Variants in FNDC3A observed in about 807,000 individuals in gnomAD.
FNDC3A encodes fibronectin type-III domain-containing protein 3A.
A neutral mutation model predicts 148.9 loss-of-function variants in FNDC3A; 32 were observed. The ratio of observed to expected loss-of-function variants is 0.21; its 90% CI spans 0.16 to 0.29. The LOEUF (loss-of-function observed/expected upper bound fraction) is 0.29. Ranked by LOEUF, FNDC3A falls within the 10% of genes least tolerant of loss-of-function variation. The probability of loss-of-function intolerance (pLI) is 1.00; values close to 1 mark genes in which losing one functional copy is unlikely to be tolerated. For synonymous variants in FNDC3A, 472 were observed against 473.6 expected (o/e 1.00, Z 0.04); for missense variants, 1,191 against 1,452.8 (o/e 0.82, Z 2.93).
chr13:49,049,746 G>GTCTTGCTCTGTTGCCA (rs1875695161), intron 2 of FNDC3A, among the ~76,000 whole-genome samples: 1 of 151,592 alleles, frequency 6.6e-6, no homozygotes, highest in Admixed American at 6.6e-5. Context: ...TTGAGATGGA[G>GTCTTGCTCTGTTGCCA]TCTTGCTCTG....
chr13:49,144,032 C>CTAA (rs1166963044), intron 7 of FNDC3A, among the ~76,000 whole-genome samples: 30 of 149,930 alleles, frequency 2.0e-4, no homozygotes, highest in South Asian at 6.3e-4. Flanking sequence ...ACTACTACTA[C>CTAA]TAATAATAAT....
rs368312592 is a variant in FNDC3A at position 49,116,772 on chromosome 13, T to C, written c.252+2041T>C. ...TTGCACTCCAGCCTGGGAGACAGAG[T>C]GAGACTCCGTCTCAAAAAAAAAAAA... is the stretch of plus-strand genomic sequence containing the variant. On this transcript the variant is annotated intron_variant, in intron 4 of 25. Coordinates refer to ENST00000492622, the MANE Select transcript of FNDC3A (RefSeq NM_001079673.2). 6.2e-3 allele frequency among the ~76,000 whole-genome samples: 785 copies of C among 126,984 alleles called. 6 individuals carry two copies. The highest frequency in any genetic ancestry group is 0.022 in the African/African-American group (749 of 34,066). 83.3% of individuals were successfully genotyped at this position (126,984 alleles called of 152,430 possible).
At chr13:49,182,727 C>T (rs1169922969) in intron 14 of FNDC3A, among the ~76,000 whole-genome samples, 3 of 152,050 alleles carry the variant, frequency 2.0e-5, no homozygotes, top group East Asian at 3.9e-4. Flanking sequence ...TTTTATGTTC[C>T]ATCCTTGAAA....
intron 1 of FNDC3A, among the ~76,000 whole-genome samples, chr13:48,978,911 C>T (rs2137540679): frequency 6.6e-6 from 1 of 152,166 alleles, no homozygotes; most frequent in East Asian, 1.9e-4. Context: ...GTATTGTGAG[C>T]TTTTATAATT....
chr13:49,045,987 G>C (rs1315200548), intron 2 of FNDC3A: 1 of 176,516 alleles, frequency 5.7e-6, no homozygotes, highest in Non-Finnish European at 1.2e-5. Flanking sequence ...TATCATAATT[G>C]TTGTTGCCAC....
intron 3 of FNDC3A, chr13:49,110,374 T>A (rs1202829961): frequency 1.2e-6 from 2 of 1,612,928 alleles, no homozygotes; most frequent in Non-Finnish European, 1.7e-6. Flanking sequence ...GATTTTCTTG[T>A]TCTCTGCTGC....
At chr13:49,085,461 C>G (rs1364066415) in intron 3 of FNDC3A, among the ~76,000 whole-genome samples, 2 of 152,124 alleles carry the variant, frequency 1.3e-5, no homozygotes, top group Non-Finnish European at 2.9e-5. Context: ...AGTAAGACTC[C>G]TAGTAACCTG....
intron 11 of FNDC3A, 81 bp downstream of exon 11, chr13:49,172,177 C>G: frequency 1.2e-6 from 1 of 842,894 alleles, no homozygotes; most frequent in South Asian, 1.7e-5. Flanking sequence ...TTGTTTTAAT[C>G]ATCAAGTATA....
chr13:49,180,063 A>G (rs1885227876), intron 14 of FNDC3A, among the ~76,000 whole-genome samples: 1 of 152,212 alleles, frequency 6.6e-6, no homozygotes, highest in South Asian at 2.1e-4. Flanking sequence ...ACAGATACAT[A>G]TCTGTGTCTC....
At chr13:49,042,387 T>C (rs1011541139) in intron 2 of FNDC3A, among the ~76,000 whole-genome samples, 3 of 152,226 alleles carry the variant, frequency 2.0e-5, no homozygotes, top group Non-Finnish European at 4.4e-5. Context: ...CATTTCTTTA[T>C]TTTCTGATTC....
chr13:49,053,606 T>C (rs1452086842), intron 2 of FNDC3A, among the ~76,000 whole-genome samples: 1 of 152,034 alleles, frequency 6.6e-6, no homozygotes, highest in Non-Finnish European at 1.5e-5. Flanking sequence ...AGGTCATAGG[T>C]GGATTCAACT....
At chr13:49,134,841 CTT>C (rs1168216037) in intron 5 of FNDC3A, among the ~76,000 whole-genome samples, 21 of 2,628 alleles carry the variant, frequency 8.0e-3, no homozygotes, top group African/African-American at 0.037. Flanking sequence ...GAGTTTCACT[CTT>C]TTTTTTTTTT....
intron 2 of FNDC3A, among the ~76,000 whole-genome samples, chr13:49,073,233 ATAT>A (rs1468404003): frequency 6.6e-6 from 1 of 152,224 alleles, no homozygotes; most frequent in Non-Finnish European, 1.5e-5. Flanking sequence ...TATTTGCAAC[ATAT>A]TATAGTACAA....
At chr13:49,145,587 T>C (rs1882945959) in intron 7 of FNDC3A, among the ~76,000 whole-genome samples, 191 bp from the exon 8 acceptor site, 1 of 152,216 alleles carries the variant, frequency 6.6e-6, no homozygotes, top group African/African-American at 2.4e-5. Context: ...TTTAAACTTT[T>C]GTGGAACCCA....
intron 2 of FNDC3A, among the ~76,000 whole-genome samples, chr13:49,019,968 A>G (rs1406646568): frequency 1.3e-5 from 2 of 152,230 alleles, no homozygotes; most frequent in Non-Finnish European, 1.5e-5. Flanking sequence ...ACTGAAGTAT[A>G]GAAATGAAGA....
At position 49,028,556 on chromosome 13, in the gene FNDC3A, A is replaced by G. The variant is rs530406418; in HGVS notation, c.99+22267A>G. 1.4e-3 allele frequency among the ~76,000 whole-genome samples: 218 copies of G among 152,280 alleles called. 1 individual carries two copies. Among genetic ancestry groups the G allele is most frequent in the South Asian group, 8.3e-3 (40 of 4,816 alleles). ...GTGCCCAGCCCAGGACACTCTTGAAATCAAAGACACAAATAGGTTGAAATG... is the reference window on the plus strand; with the variant it reads ...GTGCCCAGCCCAGGACACTCTTGAAGTCAAAGACACAAATAGGTTGAAATG... On this transcript the variant is annotated intron_variant, in intron 2 of 25. Coordinates refer to ENST00000492622, the MANE Select transcript of FNDC3A (RefSeq NM_001079673.2).
At chr13:49,051,882 TC>T (rs1875869204) in intron 2 of FNDC3A, among the ~76,000 whole-genome samples, 1 of 152,174 alleles carries the variant, frequency 6.6e-6, no homozygotes, top group South Asian at 2.1e-4. Flanking sequence ...AATTCTTTTT[TC>T]TTTGTCTTTG....
At chr13:49,048,256 C>A (rs747917248) in intron 2 of FNDC3A, among the ~76,000 whole-genome samples, 9 of 151,710 alleles carry the variant, frequency 5.9e-5, no homozygotes. Context: ...CATAGTCTTG[C>A]TTTGGCTATG....
chr13:49,063,253 C>A (rs1005220228), intron 2 of FNDC3A, among the ~76,000 whole-genome samples: 1 of 152,094 alleles, frequency 6.6e-6, no homozygotes, highest in Non-Finnish European at 1.5e-5. Flanking sequence ...ATCTATAACT[C>A]ATTTTCTATA....
Sources: gnomAD v4.1 joint callset for allele counts (sites outside exome capture counted in the v4.1 genomes callset) on GRCh38, gnomAD v4.1.1 for gene constraint, MANE v1.5 for transcripts, NCBI Gene and HGNC (gene_info 2026-07-23, HGNC 2026-07-21) for gene names.